Variants in TMEM132B observed in about 807,000 individuals in gnomAD.
The protein encoded by TMEM132B is transmembrane protein 132B.
In TMEM132B, 18 loss-of-function variants were observed where a neutral mutation model predicts 90.8. The observed-to-expected ratio is 0.20, with a 90% CI of 0.14 to 0.29. The LOEUF is 0.29. Ranked by LOEUF, TMEM132B falls within the 10% of genes least tolerant of loss-of-function variation. The pLI is 1.00. For missense variants in TMEM132B, 1,096 were observed against 1,326.8 expected, an observed-to-expected ratio of 0.83 and a Z score of 2.70; for synonymous variants, 504 against 523.3, an observed-to-expected ratio of 0.96 and a Z score of 0.50.
chr12:125,499,781 G>A (rs1365139343), intron 3 of TMEM132B, among the ~76,000 whole-genome samples: 1 of 152,170 alleles, frequency 6.6e-6, no homozygotes, highest in African/African-American at 2.4e-5. Flanking sequence ...TGCTGCAACT[G>A]TTACTGCTGA....
intron 5 of TMEM132B, among the ~76,000 whole-genome samples, chr12:125,599,798 G>A (rs1265366056): frequency 6.6e-6 from 1 of 152,138 alleles, no homozygotes; most frequent in South Asian, 2.1e-4. Context: ...ATTCAGCTGT[G>A]GAAGGGAAGT....
intron 4 of TMEM132B, among the ~76,000 whole-genome samples, chr12:125,527,258 CCACCCG>C (rs1883501803): frequency 7.3e-6 from 1 of 137,804 alleles, no homozygotes; most frequent in Non-Finnish European, 1.5e-5. Context: ...ACCCTTCCAT[CCACCCG>C]TTTACCCTTC....
intron 2 of TMEM132B, among the ~76,000 whole-genome samples, chr12:125,397,708 C>T (rs911382702): frequency 1.5e-4 from 23 of 152,302 alleles, no homozygotes; most frequent in African/African-American, 5.5e-4. Context: ...GAAGAGAAGA[C>T]TTTCTGCATT....
intron 5 of TMEM132B, among the ~76,000 whole-genome samples, chr12:125,603,483 C>A (rs764832810): frequency 6.6e-6 from 1 of 151,970 alleles, no homozygotes; most frequent in Non-Finnish European, 1.5e-5. Context: ...TGTGAAACCC[C>A]AAACCATAAA....
chr12:125,212,657 G>A (rs1292998283), intron 1 of TMEM132B, among the ~76,000 whole-genome samples: 1 of 152,078 alleles, frequency 6.6e-6, no homozygotes, highest in Non-Finnish European at 1.5e-5. Flanking sequence ...TTGAGCCATT[G>A]CACCCCAATC....
chr12:125,546,570 T>C (rs1193497486), intron 4 of TMEM132B, among the ~76,000 whole-genome samples: 2 of 152,244 alleles, frequency 1.3e-5, no homozygotes, highest in African/African-American at 2.4e-5. Context: ...TTGGTCTGGC[T>C]TCTTTCACTT....
intron 1 of TMEM132B, among the ~76,000 whole-genome samples, chr12:125,191,680 C>T (rs993536286): frequency 2.6e-5 from 4 of 152,152 alleles, no homozygotes; most frequent in African/African-American, 4.8e-5. Flanking sequence ...GGCTTAGAGC[C>T]GTAGAAATCA....
At chr12:125,412,973 G>A (rs985129313) in intron 2 of TMEM132B, among the ~76,000 whole-genome samples, 2 of 152,070 alleles carry the variant, frequency 1.3e-5, no homozygotes, top group Non-Finnish European at 2.9e-5. Flanking sequence ...CGGGAATTGC[G>A]GGCATTGCAG....
At chr12:125,566,683 C>T (rs1345883709) in intron 4 of TMEM132B, among the ~76,000 whole-genome samples, 1 of 152,084 alleles carries the variant, frequency 6.6e-6, no homozygotes, top group Non-Finnish European at 1.5e-5. Flanking sequence ...GTTGATAGGG[C>T]TGGATTGGAA....
At chr12:125,561,005 A>G (rs973160168) in intron 4 of TMEM132B, among the ~76,000 whole-genome samples, 1 of 152,162 alleles carries the variant, frequency 6.6e-6, no homozygotes, top group East Asian at 1.9e-4. Flanking sequence ...CATTTGACCC[A>G]GTGATCGCAT....
chr12:125,335,761 AG>A (rs1264592323), intron 1 of TMEM132B, among the ~76,000 whole-genome samples: 1 of 152,184 alleles, frequency 6.6e-6, no homozygotes, highest in Non-Finnish European at 1.5e-5. Context: ...CTGAGGTGAG[AG>A]GATCACTTGA....
At chr12:125,421,425 G>T (rs1400710123) in intron 3 of TMEM132B, among the ~76,000 whole-genome samples, 1 of 152,170 alleles carries the variant, frequency 6.6e-6, no homozygotes, top group Non-Finnish European at 1.5e-5. Flanking sequence ...AGGTTGTGTG[G>T]GGGAACTCCC....
chr12:125,489,011 A>T (rs1442901054), intron 3 of TMEM132B, among the ~76,000 whole-genome samples: 1 of 152,254 alleles, frequency 6.6e-6, no homozygotes, highest in African/African-American at 2.4e-5. Context: ...ATGTAAGTGT[A>T]TATTTATTTA....
intron 3 of TMEM132B, among the ~76,000 whole-genome samples, chr12:125,475,558 C>T (rs1881853402): frequency 6.6e-6 from 1 of 152,152 alleles, no homozygotes; most frequent in African/African-American, 2.4e-5. Context: ...GGCAGAAGAA[C>T]ATGAAAAGGC....
chr12:125,286,456 G>A (rs1278445375), intron 1 of TMEM132B, among the ~76,000 whole-genome samples: 1 of 152,162 alleles, frequency 6.6e-6, no homozygotes, highest in Non-Finnish European at 1.5e-5. Context: ...CAAGGATCTG[G>A]TGAAGTATTT....
At position 125,408,802 on chromosome 12, in the gene TMEM132B, C is replaced by T. The variant is rs760071834; in HGVS notation, c.960-6729C>T. Among the ~76,000 whole-genome samples the T allele has an allele frequency of 3.3e-5, 5 of 152,138 alleles. No individual in the cohort carries two copies. Among genetic ancestry groups the T allele is most frequent in the Non-Finnish European group, 7.3e-5 (5 of 68,038 alleles). On this transcript the variant is annotated intron_variant, in intron 2 of 8. Coordinates refer to ENST00000682704, the MANE Select transcript of TMEM132B (RefSeq NM_001366854.1). This position sits in a 1 kb window ranked among gnomAD's most constrained non-coding sequence, Gnocchi z 5.9. ...TTGTAGTTATCACCAAATAGCTTTC[C>T]AAAGAGGTTGAACCAAATTACACTC...
intron 2 of TMEM132B, among the ~76,000 whole-genome samples, chr12:125,350,984 A>G (rs1393190166): frequency 2.0e-5 from 3 of 152,220 alleles, no homozygotes; most frequent in African/African-American, 4.8e-5. Flanking sequence ...GCTAGAAGCC[A>G]TATTAGAGTT....
At chr12:125,618,906 C>A (rs11616060) in intron 5 of TMEM132B, among the ~76,000 whole-genome samples, 23,767 of 152,046 alleles carry the variant, frequency 0.16, 2,121 homozygotes, top group African/African-American at 0.23. Flanking sequence ...TCAAGTTTAT[C>A]AATATTAGTT....
At chr12:125,307,436 A>G (rs934485487) in intron 1 of TMEM132B, among the ~76,000 whole-genome samples, 19 of 152,118 alleles carry the variant, frequency 1.2e-4, no homozygotes, top group Non-Finnish European at 1.9e-4. Context: ...GTACTTTGGG[A>G]TCCTTCCTGT....
Sources: gnomAD v4.1 joint callset for allele counts (sites outside exome capture counted in the v4.1 genomes callset) on GRCh38, gnomAD v4.1.1 for gene constraint, Gnocchi (gnomAD v3.1) non-coding constraint, MANE v1.5 for transcripts, NCBI Gene and HGNC (gene_info 2026-07-23, HGNC 2026-07-21) for gene names.